ERC2: variants seen among roughly 807,000 people sequenced by gnomAD.
ERC2 encodes the protein ELKS/RAB6-interacting/CAST family member 2.
Under a neutral mutation model 114.8 loss-of-function variants are expected in ERC2, and 42 were observed. The observed-to-expected ratio is 0.37, with a 90% confidence interval of 0.29 to 0.47. The LOEUF (loss-of-function observed/expected upper bound fraction) is 0.47, where lower values mean the gene tolerates loss of function less well. ERC2 is among the 20% of genes least tolerant of loss of function. The pLI, the probability that ERC2 is intolerant of heterozygous loss-of-function variation, is 0.99. For synonymous variants in ERC2, 454 were observed against 425.5 expected (o/e 1.07, Z -0.82); for missense variants, 939 against 1,150.7 (o/e 0.82, Z 2.66).
chr3:56,285,011 T>TCTCTCA (rs2054588289), intron 3 of ERC2, among the ~76,000 whole-genome samples: 3 of 95,766 alleles, frequency 3.1e-5, no homozygotes, highest in African/African-American at 1.0e-4. Flanking sequence ...TCTCTCTCTC[T>TCTCTCA]CACACACACA....
intron 7 of ERC2, among the ~76,000 whole-genome samples, chr3:56,030,507 T>C (rs996775803): frequency 1.3e-5 from 2 of 152,234 alleles, no homozygotes; most frequent in African/African-American, 4.8e-5. Context: ...CTGTTGCATA[T>C]ACATTTAGGA....
At chr3:56,206,666 A>G (rs528271305) in intron 3 of ERC2, among the ~76,000 whole-genome samples, 1 of 152,356 alleles carries the variant, frequency 6.6e-6, no homozygotes, top group East Asian at 1.9e-4. Context: ...GCACATATGA[A>G]TATGCAGACC....
At chr3:56,309,759 G>C (rs556685049) in intron 2 of ERC2, among the ~76,000 whole-genome samples, 1 of 152,312 alleles carries the variant, frequency 6.6e-6, no homozygotes, top group African/African-American at 2.4e-5. Flanking sequence ...AAAGCCTGAA[G>C]CACAGGGCTT....
intron 14 of ERC2, among the ~76,000 whole-genome samples, chr3:55,738,809 T>C (rs779864052): frequency 1.1e-4 from 17 of 152,186 alleles, no homozygotes; most frequent in Non-Finnish European, 2.4e-4. Flanking sequence ...ATGTGCAGAA[T>C]GTGCAGGTTT....
At chr3:56,019,456 A>T (rs1184134818) in intron 7 of ERC2, among the ~76,000 whole-genome samples, 1 of 152,332 alleles carries the variant, frequency 6.6e-6, no homozygotes, top group South Asian at 2.1e-4. Flanking sequence ...CCATATCAGT[A>T]TATGGCAGAT....
chr3:55,579,145 T>G (rs1380591491), intron 17 of ERC2, among the ~76,000 whole-genome samples: 2 of 152,210 alleles, frequency 1.3e-5, no homozygotes, highest in Non-Finnish European at 2.9e-5. Context: ...GCAAAGGGCA[T>G]GCATATAGGA....
intron 7 of ERC2, among the ~76,000 whole-genome samples, chr3:56,027,761 C>T (rs1356835596): frequency 6.6e-6 from 1 of 152,084 alleles, no homozygotes; most frequent in African/African-American, 2.4e-5. Flanking sequence ...AAGTCTATGG[C>T]TTGTCTTTTC....
intron 15 of ERC2, among the ~76,000 whole-genome samples, chr3:55,729,423 C>A (rs568022604): frequency 6.6e-6 from 1 of 152,252 alleles, no homozygotes; most frequent in Non-Finnish European, 1.5e-5. Context: ...AAATTGTCAC[C>A]AGATCCCTGA....
At chr3:56,033,699 A>G (rs1259419282) in intron 7 of ERC2, among the ~76,000 whole-genome samples, 2 of 152,156 alleles carry the variant, frequency 1.3e-5, no homozygotes, top group African/African-American at 4.8e-5. Flanking sequence ...TGAATCATGT[A>G]ATCATCCCCA....
intron 3 of ERC2, among the ~76,000 whole-genome samples, chr3:56,214,520 G>C (rs1479746633): frequency 2.0e-5 from 3 of 152,154 alleles, no homozygotes; most frequent in Non-Finnish European, 2.9e-5. Flanking sequence ...CATCTGATTG[G>C]TGTACCTGAA....
At chr3:56,113,689 T>C (rs557549647) in intron 6 of ERC2, among the ~76,000 whole-genome samples, 139 of 152,300 alleles carry the variant, frequency 9.1e-4, no homozygotes, top group African/African-American at 3.2e-3. Flanking sequence ...TACTCAGAAT[T>C]AGCACAGACC....
In ERC2 at chr3:56,149,057, C is replaced by T. The variant is rs1316576106; in HGVS notation, c.1225G>A (p.Val409Met). 2 of 1,613,392 alleles carry T rather than the reference C, an allele frequency of 1.2e-6. No homozygotes were observed. The highest frequency in any genetic ancestry group is 4.5e-5 in the East Asian group (2 of 44,844). ...TCTTCGCGGTCCTCAGTGTTCAGCA[C>T]ACCATTGGCTTTTAACATCTGGATC... ...DEIQMLKANG[V>M]LNTEDREEEI... The change falls in exon 5 of 18, where the codon GTG becomes ATG. Residue 409 changes from valine (V) to methionine (M), a missense_variant. Val to Met is a conservative substitution (Grantham distance 21, BLOSUM62 1). Coordinates refer to ENST00000288221, the MANE Select transcript of ERC2 (RefSeq NM_015576.3).
chr3:55,887,339 C>T (rs2063394471), intron 14 of ERC2, among the ~76,000 whole-genome samples: 3 of 152,110 alleles, frequency 2.0e-5, no homozygotes, highest in African/African-American at 7.2e-5. Flanking sequence ...ATTATTAAAT[C>T]CTTCAAAATA....
chr3:56,173,668 T>A (rs965253864), intron 3 of ERC2, 148 bp from the exon 4 acceptor site: 3 of 635,306 alleles, frequency 4.7e-6, no homozygotes, highest in Admixed American at 6.5e-5. Context: ...CCACACTCTT[T>A]AGCATCCCTC....
chr3:56,375,131 T>C (rs1218436496), intron 2 of ERC2, among the ~76,000 whole-genome samples: 3 of 152,146 alleles, frequency 2.0e-5, no homozygotes, highest in Non-Finnish European at 1.5e-5. Context: ...AGAATTTACA[T>C]AGTAATCTCT....
At chr3:55,854,633 G>A (rs1044222198) in intron 14 of ERC2, among the ~76,000 whole-genome samples, 2 of 152,164 alleles carry the variant, frequency 1.3e-5, no homozygotes, top group African/African-American at 4.8e-5. Flanking sequence ...GACCTGGCCT[G>A]TGGGTCATGT....
At chr3:56,019,076 C>A in intron 7 of ERC2, 45 bp from the exon 8 acceptor site, 1 of 1,468,968 alleles carries the variant, frequency 6.8e-7, no homozygotes, top group Non-Finnish European at 9.2e-7. Context: ...GATTACATAT[C>A]CTAGGCCAAA....
At chr3:56,081,693 A>T (rs77984559) in intron 6 of ERC2, among the ~76,000 whole-genome samples, 1 of 151,692 alleles carries the variant, frequency 6.6e-6, no homozygotes, top group Non-Finnish European at 1.5e-5. Flanking sequence ...TTTTTTTTTT[A>T]ATTTAACATT....
intron 14 of ERC2, among the ~76,000 whole-genome samples, chr3:55,872,685 C>T (rs2062639094): frequency 6.6e-6 from 1 of 152,146 alleles, no homozygotes; most frequent in Non-Finnish European, 1.5e-5. Context: ...GGCCAAGTGT[C>T]CAGGATATAC....
Sources: allele counts gnomAD v4.1 joint callset (sites outside exome capture counted in the v4.1 genomes callset), GRCh38; gene constraint gnomAD v4.1.1; transcripts MANE v1.5; gene names NCBI Gene and HGNC (gene_info 2026-07-23, HGNC 2026-07-21).